MGAT5: variants seen among roughly 807,000 people sequenced by gnomAD.
MGAT5 encodes the protein alpha-1,6-mannosylglycoprotein 6-beta-N-acetylglucosaminyltransferase A.
Under a neutral mutation model 94.3 loss-of-function variants are expected in MGAT5, and 30 were observed. That is an observed-to-expected ratio of 0.32 (90% confidence interval 0.24 to 0.43). The LOEUF (loss-of-function observed/expected upper bound fraction) is 0.43, where lower values mean the gene tolerates loss of function less well. MGAT5 is among the 20% of genes least tolerant of loss of function. The pLI is 1.00. For synonymous variants in MGAT5, 310 were observed against 322.9 expected, an observed-to-expected ratio of 0.96 and a Z score of 0.43; for missense variants, 691 against 905.5, an observed-to-expected ratio of 0.76 and a Z score of 3.04.
Position 134,177,161 on chromosome 2 carries a change from G to GTGTGTGTGTGTGTGTGTGTGTGTGTA in MGAT5, c.-143+56871_-143+56872insGTGTGTGTGTGTGTGTGTGTGTGTAT, listed in dbSNP as rs1218468558. On this transcript the variant is annotated intron_variant, in intron 1 of 16. Coordinates refer to the MGAT5 transcript ENST00000409645. ...AATGAACCCGTGTGTGTGTGTGTGTGTATGTATCTCTATTTATAGTAATCT... is the reference window on the plus strand; with the variant it reads ...AATGAACCCGTGTGTGTGTGTGTGTGTGTGTGTGTGTGTGTGTGTGTGTGTATATGTATCTCTATTTATAGTAATCT... 4.1e-4 allele frequency among the ~76,000 whole-genome samples: 62 copies of GTGTGTGTGTGTGTGTGTGTGTGTGTA among 152,020 alleles called. 1 individual carries two copies. The highest frequency in any genetic ancestry group is 1.4e-3 in the African/African-American group (57 of 41,368).
intron 1 of MGAT5, among the ~76,000 whole-genome samples, chr2:134,182,679 A>G (rs1164081783): frequency 6.6e-6 from 1 of 151,838 alleles, no homozygotes; most frequent in Non-Finnish European, 1.5e-5. Flanking sequence ...CCCCATCACA[A>G]GCGTACTTAA....
At chr2:134,144,279 G>A (rs1686802162) in intron 1 of MGAT5, among the ~76,000 whole-genome samples, 2 of 152,282 alleles carry the variant, frequency 1.3e-5, no homozygotes, top group Non-Finnish European at 2.9e-5. Flanking sequence ...CTTCTGGGGA[G>A]GTACAAGGAA....
At chr2:134,331,629 G>T (rs971025461) in intron 4 of MGAT5, among the ~76,000 whole-genome samples, 5 of 151,992 alleles carry the variant, frequency 3.3e-5, no homozygotes, top group Non-Finnish European at 7.4e-5. Context: ...GGGGGTTGGT[G>T]GGGGGAGGCA....
chr2:134,280,894 A>T (rs1368762937), intron 2 of MGAT5, among the ~76,000 whole-genome samples: 1 of 152,226 alleles, frequency 6.6e-6, no homozygotes, highest in Admixed American at 6.5e-5. Flanking sequence ...CTCCTGGGCC[A>T]GGCATGTAGC....
chr2:134,355,102 C>T (rs1252393541), intron 9 of MGAT5, among the ~76,000 whole-genome samples: 1 of 152,178 alleles, frequency 6.6e-6, no homozygotes, highest in Non-Finnish European at 1.5e-5. Context: ...CCTGCTGGTC[C>T]CTGAGAAGCA....
chr2:134,367,689 A>G (rs1181228034), intron 10 of MGAT5, among the ~76,000 whole-genome samples: 1 of 152,208 alleles, frequency 6.6e-6, no homozygotes, highest in African/African-American at 2.4e-5. Flanking sequence ...TCTTGATTGT[A>G]TTCTTCTGTA....
At chr2:134,355,658 C>T (rs77821639) in intron 9 of MGAT5, among the ~76,000 whole-genome samples, 3,009 of 152,298 alleles carry the variant, frequency 0.02, 104 homozygotes, top group African/African-American at 0.068. Flanking sequence ...AGAGCGAAGG[C>T]ATTTGCCTTT....
chr2:134,186,975 T>G (rs544793536), intron 1 of MGAT5, among the ~76,000 whole-genome samples: 36 of 150,642 alleles, frequency 2.4e-4, no homozygotes, highest in African/African-American at 8.1e-4. Context: ...CTTGAAGGAG[T>G]GATGTTTGAG....
intron 2 of MGAT5, among the ~76,000 whole-genome samples, chr2:134,306,480 C>T (rs1204549413): frequency 6.6e-6 from 1 of 152,070 alleles, no homozygotes. Context: ...TAGGGACGGA[C>T]AAGACAGGCA....
chr2:134,422,803 C>A lies in MGAT5; in HGVS notation c.1678C>A (p.Leu560Met). The change falls in exon 13 of 16, where the codon CTG becomes ATG. Residue 560 changes from leucine to methionine, a missense_variant and splice_region_variant. Around this residue, in one of 4 missense-constraint regions of MGAT5, gnomAD observed 260 missense variants for 347.0 expected, o/e 0.75. Coordinates refer to ENST00000281923, the MANE Select transcript of MGAT5 (RefSeq NM_002410.5). ...ACTGAGGTGTTCGGTTCTTTTCCAG[C>A]TGACATCCCAGCATCCTTACGCTGA... is the stretch of plus-strand genomic sequence containing the variant. ...FFIGKPTLRE[L>M]TSQHPYAEVF... The A allele has an allele frequency of 1.2e-6, 2 of 1,613,106 alleles. No individual in the cohort carries two copies. The highest frequency in any genetic ancestry group is 1.7e-6 in the Non-Finnish European group (2 of 1,179,190).
chr2:134,338,137 T>G (rs141538744), intron 5 of MGAT5, 122 bp from the exon 6 acceptor site: 5 of 807,982 alleles, frequency 6.2e-6, no homozygotes, highest in Non-Finnish European at 9.4e-6. Flanking sequence ...AGACAAGACT[T>G]ACTTTTGAAG....
intron 1 of MGAT5, among the ~76,000 whole-genome samples, chr2:134,137,732 A>G (rs569595706): frequency 6.6e-6 from 1 of 152,130 alleles, no homozygotes; most frequent in East Asian, 1.9e-4. Flanking sequence ...TTGGACTAGA[A>G]TAGTCTCTAT....
chr2:134,295,202 G>A (rs1685602380), intron 2 of MGAT5, among the ~76,000 whole-genome samples: 1 of 130,894 alleles, frequency 7.6e-6, no homozygotes, highest in South Asian at 2.6e-4. Flanking sequence ...CTCTTCAGTG[G>A]TTCGAAGATG....
intron 10 of MGAT5, among the ~76,000 whole-genome samples, chr2:134,386,840 C>T (rs1427004273): frequency 6.6e-6 from 1 of 152,142 alleles, no homozygotes; most frequent in African/African-American, 2.4e-5. Context: ...AGAAGTAGTT[C>T]TATATGCTTA....
chr2:134,448,950 GC>G lies in MGAT5; in HGVS notation c.*105del, dbSNP rs1685950961. 4.0e-6 allele frequency: 5 copies of G among 1,255,628 alleles called. No homozygotes were observed. The highest frequency in any genetic ancestry group is 5.5e-6 in the Non-Finnish European group (5 of 902,086). The allele number at this position is 1,255,628 out of a possible 1,614,324, so 77.8% of individuals were successfully genotyped here. ...AAGTCATGCAGGGACTCTGGCAAGA[GC>G]CTGAACTTTTTCGTAGAAGGTTCTG... On this transcript the variant is annotated 3_prime_UTR_variant, in exon 16 of 16. Coordinates refer to ENST00000281923, the MANE Select transcript of MGAT5 (RefSeq NM_002410.5).
intron 2 of MGAT5, among the ~76,000 whole-genome samples, chr2:134,312,220 C>T (rs55816735): frequency 0.57 from 86,120 of 151,974 alleles, 26,668 homozygotes; most frequent in Non-Finnish European, 0.69. Flanking sequence ...GGTGACAGAG[C>T]CAGACTTTGT....
At chr2:134,301,207 CT>C (rs1448548535) in intron 2 of MGAT5, among the ~76,000 whole-genome samples, 1 of 152,042 alleles carries the variant, frequency 6.6e-6, no homozygotes, top group Admixed American at 6.6e-5. Context: ...ATAGTTTATT[CT>C]TTTTAAAAAA....
At position 134,258,129 on chromosome 2, in the gene MGAT5, C is replaced by T. The variant is rs184943068; in HGVS notation, c.241+3485C>T. Among the ~76,000 whole-genome samples, 40 of 150,800 alleles carry T rather than the reference C, an allele frequency of 2.7e-4. 1 individual carries two copies. The East Asian group carries it at 5.3e-3, about 20-fold the overall frequency. ...TTAGAGATTCCAAGGCAGCAGGGCT[C>T]GGTGAACTATGACCTATGCGCCAAA... On this transcript the variant is annotated intron_variant, in intron 1 of 15. Transcript: ENST00000281923.
chr2:134,330,654 C>T (rs2105951487), intron 4 of MGAT5, among the ~76,000 whole-genome samples: 1 of 151,474 alleles, frequency 6.6e-6, no homozygotes, highest in South Asian at 2.1e-4. Context: ...AAAAATTATT[C>T]TCTTAATGTT....
Sources: gnomAD v4.1 joint callset for allele counts (sites outside exome capture counted in the v4.1 genomes callset) on GRCh38, gnomAD v4.1.1 for gene constraint, gnomAD v4.1.1 regional missense constraint, MANE v1.5 for transcripts, NCBI Gene and HGNC (gene_info 2026-07-23, HGNC 2026-07-21) for gene names.